Variants in VPS8 observed in about 807,000 individuals in gnomAD.
VPS8 encodes vacuolar protein sorting-associated protein 8 homolog.
In VPS8, 129 loss-of-function variants were observed where a neutral mutation model predicts 216.4. That is an observed-to-expected ratio of 0.60 (90% CI 0.52 to 0.69). The LOEUF (loss-of-function observed/expected upper bound fraction) is 0.69. VPS8 is among the 30% of genes least tolerant of loss of function. VPS8 has a pLI of 0.00. For synonymous variants in VPS8, 571 were observed against 565.4 expected (o/e 1.01, Z -0.14); for missense variants, 1,531 against 1,683.5 (o/e 0.91, Z 1.59).
intron 45 of VPS8, among the ~76,000 whole-genome samples, chr3:185,005,347 G>C (rs1178027711): frequency 6.6e-6 from 1 of 152,062 alleles, no homozygotes; most frequent in Non-Finnish European, 1.5e-5. Context: ...GTATTGCTTT[G>C]GCTATGTGGG....
chr3:184,977,593 A>C (rs1003685013), intron 40 of VPS8, among the ~76,000 whole-genome samples: 4 of 152,098 alleles, frequency 2.6e-5, no homozygotes, highest in African/African-American at 9.7e-5. Context: ...GAGGTCTTAC[A>C]TTTAAGTCTA....
chr3:184,957,424 C>T lies in VPS8; in HGVS notation c.3086C>T (p.Thr1029Ile). 6.2e-7 allele frequency: 1 copy of T among 1,612,242 alleles called. No individual in the cohort carries two copies. ...QELLQISPCI[T>I]EQFIELLCQF... The stretch of plus-strand genomic sequence containing the variant: ...TTACTGCAAATATCTCCTTGTATCA[C>T]AGAGCAGTTCATTGAGCTGTTGTGT... The change falls in exon 37 of 48, where the codon ACA becomes ATA. Residue 1029 changes from threonine to isoleucine, a missense_variant. Coordinates refer to ENST00000625842, the MANE Select transcript of VPS8 (RefSeq NM_001009921.3).
At chr3:184,835,782 T>C (rs1348638586) in intron 5 of VPS8, among the ~76,000 whole-genome samples, 1 of 147,956 alleles carries the variant, frequency 6.8e-6, no homozygotes, top group Admixed American at 6.9e-5. Context: ...CGACCTCAGC[T>C]CACTGCAAGC....
chr3:184,996,412 A>G lies in VPS8; in HGVS notation c.3747A>G (p.Arg1249=), dbSNP rs896908246. The change falls in exon 44 of 48, where the codon AGA becomes AGG. Residue 1249 remains arginine, a synonymous_variant. Transcript: ENST00000625842. ...SLCNLRASVT[R]GLNPKQDYCS... is the part of the protein sequence containing the mutation. ...GTAACCTGAGAGCTTCGGTCACCAG[A>G]GGACTGAATCCCAAACAAGATTACT... 2 of 1,613,830 alleles carry G rather than the reference A, an allele frequency of 1.2e-6. No homozygotes were observed. Among genetic ancestry groups the G allele is most frequent in the African/African-American group, 2.7e-5 (2 of 74,932 alleles).
intron 45 of VPS8, among the ~76,000 whole-genome samples, chr3:185,012,229 ATT>A (rs1272339666): frequency 2.7e-5 from 4 of 148,352 alleles, no homozygotes; most frequent in East Asian, 3.9e-4. Flanking sequence ...ATAGATATAT[ATT>A]AATGTATAAA....
intron 29 of VPS8, among the ~76,000 whole-genome samples, chr3:184,922,180 A>C (rs952530449): frequency 6.6e-6 from 1 of 152,190 alleles, no homozygotes; most frequent in Non-Finnish European, 1.5e-5. Flanking sequence ...GCAAGTTCCT[A>C]ATCATTTTCC....
At chr3:184,936,751 T>C (rs1576902441) in intron 35 of VPS8, among the ~76,000 whole-genome samples, 1 of 152,082 alleles carries the variant, frequency 6.6e-6, no homozygotes, top group Non-Finnish European at 1.5e-5. Context: ...TCTTTTTTTT[T>C]TTTTGAGATG....
intron 3 of VPS8, among the ~76,000 whole-genome samples, chr3:184,828,416 G>A (rs1207868674): frequency 6.6e-6 from 1 of 152,054 alleles, no homozygotes; most frequent in Admixed American, 6.6e-5. Context: ...TGGGATTGTA[G>A]GCATGAGCCA....
In VPS8 at chr3:184,894,933, T is replaced by G; in HGVS notation, c.2004+8T>G. 1 of 1,589,188 alleles carries G rather than the reference T, an allele frequency of 6.3e-7. No homozygotes were observed. The highest frequency in any genetic ancestry group is 8.6e-7 in the Non-Finnish European group (1 of 1,165,792). ...AGCCTAGATATTCAGCAGGTGAGTT[T>G]ATAGACAGTCTACTAACTTATGAAA... On this transcript the variant is annotated splice_region_variant and intron_variant, in intron 23 of 47. Transcript: ENST00000625842.
intron 36 of VPS8, among the ~76,000 whole-genome samples, chr3:184,946,946 T>C (rs1410055892): frequency 6.6e-6 from 1 of 152,130 alleles, no homozygotes; most frequent in East Asian, 1.9e-4. Context: ...GTACCCATCA[T>C]GTGAGACAGG....
intron 7 of VPS8, chr3:184,839,964 A>G (rs1721814808): frequency 8.0e-7 from 1 of 1,251,286 alleles, no homozygotes; most frequent in African/African-American, 1.6e-5. Flanking sequence ...TTCTTCATGA[A>G]TTTATAAGCT....
chr3:184,832,686 T>C lies in VPS8; in HGVS notation c.223-3T>C, dbSNP rs1167193501. The C allele has an allele frequency of 1.3e-6, 2 of 1,595,672 alleles. No individual in the cohort carries two copies. Among genetic ancestry groups the C allele is most frequent in the Non-Finnish European group, 1.7e-6 (2 of 1,169,856 alleles). On this transcript the variant is annotated splice_region_variant and splice_polypyrimidine_tract_variant and intron_variant, in intron 3 of 47. Coordinates refer to ENST00000625842, the MANE Select transcript of VPS8 (RefSeq NM_001009921.3). ...TGTATTGATTTATCTTCTTCCAATT[T>C]AGACTGATGATGAAGATGAGTCTTT...
chr3:184,953,175 C>T (rs1174454468), intron 36 of VPS8, among the ~76,000 whole-genome samples: 3 of 152,116 alleles, frequency 2.0e-5, no homozygotes, highest in Admixed American at 1.3e-4. Context: ...GAACGGAGGG[C>T]ATTTATTTGC....
chr3:184,824,928 C>T (rs1323903410), intron 2 of VPS8, 143 bp downstream of exon 2: 12 of 688,692 alleles, frequency 1.7e-5, no homozygotes, highest in Non-Finnish European at 2.6e-5. Flanking sequence ...TTTTTGGATA[C>T]AGGGTCTCAC....
chr3:184,915,079 G>C, intron 27 of VPS8, 26 bp downstream of exon 27: 2 of 1,609,840 alleles, frequency 1.2e-6, no homozygotes, highest in Non-Finnish European at 1.7e-6. Context: ...ATAGCCTTTT[G>C]ACTGTTCTCC....
chr3:185,011,195 G>T (rs950099341), intron 45 of VPS8, among the ~76,000 whole-genome samples: 2 of 151,460 alleles, frequency 1.3e-5, no homozygotes, highest in Admixed American at 1.3e-4. Context: ...TGACCTTTTT[G>T]CTAATAATTA....
chr3:184,995,822 C>G (rs540304175), intron 43 of VPS8, among the ~76,000 whole-genome samples: 1 of 152,180 alleles, frequency 6.6e-6, no homozygotes. Flanking sequence ...AAAATGTGAT[C>G]TCTCTGCCCA....
At position 184,850,012 on chromosome 3, in the gene VPS8, T is replaced by C; in HGVS notation, c.743T>C (p.Leu248Ser). ...TDAHPPGTAILHIKFTDDPTL... is the reference protein window; with the variant it reads ...TDAHPPGTAISHIKFTDDPTL... ...GCTCATCCTCCAGGAACAGCAATAT[T>C]GCATATCAAGGTAAGAGCTTTATTT... Residue 248 changes from leucine to serine, a missense_variant, in exon 10 of 48, where the codon TTG (leucine) becomes TCG (serine). Around this residue, in one of 3 missense-constraint regions of VPS8, gnomAD observed 1,318 missense variants for 1,468.4 expected, o/e 0.90. Coordinates refer to ENST00000625842, the MANE Select transcript of VPS8 (RefSeq NM_001009921.3). The C allele has an allele frequency of 6.2e-7, 1 of 1,611,676 alleles. No individual in the cohort carries two copies. Among genetic ancestry groups the C allele is most frequent in the Non-Finnish European group, 8.5e-7 (1 of 1,179,058 alleles).
chr3:185,008,863 T>TAAATCAA (rs1209135441), intron 45 of VPS8, among the ~76,000 whole-genome samples: 5 of 152,180 alleles, frequency 3.3e-5, no homozygotes, highest in Admixed American at 1.3e-4. Flanking sequence ...AAACAAGCAT[T>TAAATCAA]ATATCAAATA....
Sources: gnomAD v4.1 joint callset for allele counts (sites outside exome capture counted in the v4.1 genomes callset) on GRCh38, gnomAD v4.1.1 for gene constraint, gnomAD v4.1.1 regional missense constraint, MANE v1.5 for transcripts, NCBI Gene and HGNC (gene_info 2026-07-23, HGNC 2026-07-21) for gene names.